Variants in FBXW11 observed in about 807,000 individuals in gnomAD.
FBXW11 encodes the protein F-box and WD repeat domain containing 11, also known as F-box/WD repeat-containing protein 11.
Under a neutral mutation model 77.6 loss-of-function variants are expected in FBXW11, and 19 were observed. The observed-to-expected ratio is 0.24, with a 90% CI of 0.17 to 0.36. The LOEUF is 0.36. FBXW11 is among the 10% of genes least tolerant of loss of function. FBXW11 has a pLI of 1.00. For synonymous variants in FBXW11, 235 were observed against 249.4 expected (o/e 0.94, Z 0.54); for missense variants, 334 against 704.2 (o/e 0.47, Z 5.95).
At chr5:171,957,953 T>C (rs980096358) in intron 1 of FBXW11, among the ~76,000 whole-genome samples, 9 of 152,170 alleles carry the variant, frequency 5.9e-5, no homozygotes, top group Non-Finnish European at 1.3e-4. Flanking sequence ...ACAGAGAGAA[T>C]GTTTAAACAA....
intron 9 of FBXW11, among the ~76,000 whole-genome samples, chr5:171,875,381 T>A (rs938980860): frequency 1.3e-5 from 2 of 152,126 alleles, no homozygotes; most frequent in Non-Finnish European, 2.9e-5. Context: ...ATTCTTCCAA[T>A]TATATGAAGT....
intron 2 of FBXW11, among the ~76,000 whole-genome samples, chr5:171,949,150 T>C (rs569886869): frequency 6.6e-6 from 1 of 152,262 alleles, no homozygotes; most frequent in South Asian, 2.1e-4. Flanking sequence ...TAGTACAACA[T>C]ATAAAAGACA....
Position 171,984,221 on chromosome 5 carries a change from T to C in FBXW11, c.45+22237A>G, listed in dbSNP as rs1002835095. On this transcript the variant is annotated intron_variant, in intron 1 of 13. Coordinates refer to ENST00000517395, the MANE Select transcript of FBXW11 (RefSeq NM_001378974.1). ...CTTGAAATGCTCTGGAAAAGGTCTA[T>C]AATTTGATCTAGGTAGTGGTTACAC... 2.4e-4 allele frequency among the ~76,000 whole-genome samples: 36 copies of C among 152,274 alleles called. 1 individual carries two copies. The highest frequency in any genetic ancestry group is 7.7e-4 in the African/African-American group (32 of 41,476).
At chr5:171,900,498 C>T (rs968279306) in intron 4 of FBXW11, among the ~76,000 whole-genome samples, 1 of 152,126 alleles carries the variant, frequency 6.6e-6, no homozygotes, top group Non-Finnish European at 1.5e-5. Context: ...GGCTTTACTA[C>T]TGGAACTCGG....
chr5:171,952,448 T>TATATATATATATATAA (rs1491271340), intron 2 of FBXW11, among the ~76,000 whole-genome samples: 1 of 10,890 alleles, frequency 9.2e-5, no homozygotes, highest in Non-Finnish European at 1.8e-4. Context: ...TATATATATA[T>TATATATATATATATAA]TTTTTTTTTT....
At chr5:171,982,192 AAC>A (rs1306077851) in intron 1 of FBXW11, among the ~76,000 whole-genome samples, 5 of 152,226 alleles carry the variant, frequency 3.3e-5, no homozygotes, top group African/African-American at 4.8e-5. Flanking sequence ...TTAAATAAAA[AAC>A]AGAAACCACA....
chr5:171,880,547 C>T (rs1433731892), intron 7 of FBXW11, among the ~76,000 whole-genome samples: 1 of 152,228 alleles, frequency 6.6e-6, no homozygotes, highest in Non-Finnish European at 1.5e-5. Context: ...TCACAATAGT[C>T]TTCCTACCCA....
rs929730725 is a variant in FBXW11, at chr5:171,948,018, G to A, written c.147+9579C>T. On this transcript the variant is annotated intron_variant, in intron 2 of 13. Coordinates refer to ENST00000517395, the MANE Select transcript of FBXW11 (RefSeq NM_001378974.1). ...TGGGAGGCCAAGGTGGGCGGATCAC[G>A]GGGTCAGGAGTTCAAGACCAGCCTG... is the stretch of plus-strand genomic sequence containing the variant. 5.9e-5 allele frequency among the ~76,000 whole-genome samples: 9 copies of A among 151,406 alleles called. No homozygotes were observed. In the East Asian group the frequency reaches 6.0e-4, roughly 10 times the overall value.
chr5:171,964,656 T>C (rs1395729915), intron 1 of FBXW11, among the ~76,000 whole-genome samples: 3 of 152,228 alleles, frequency 2.0e-5, no homozygotes, highest in Non-Finnish European at 2.9e-5. Flanking sequence ...GCTTCCACTA[T>C]TAATGTCTGA....
chr5:171,876,215 G>C lies in FBXW11; in HGVS notation c.1221+70C>G. On this transcript the variant is annotated intron_variant, in intron 9 of 13. Coordinates refer to ENST00000517395, the MANE Select transcript of FBXW11 (RefSeq NM_001378974.1). This position sits in a 1 kb window ranked among gnomAD's most constrained non-coding sequence, Gnocchi z 4.2. ...CTTGCCAGGTACCAGGTTGGTATAA[G>C]CCACCTCTGCTTTGTCTCTGTTCTA... 1.3e-6 allele frequency: 2 copies of C among 1,581,726 alleles called. No homozygotes were observed. Among genetic ancestry groups the C allele is most frequent in the Non-Finnish European group, 1.7e-6 (2 of 1,159,482 alleles).
chr5:171,878,884 A>G (rs1478705024), intron 7 of FBXW11, among the ~76,000 whole-genome samples: 1 of 152,152 alleles, frequency 6.6e-6, no homozygotes, highest in African/African-American at 2.4e-5. Flanking sequence ...GAGGTTTTAC[A>G]AATGCATACC....
At chr5:172,002,729 GCT>G (rs1051338045) in intron 1 of FBXW11, among the ~76,000 whole-genome samples, 4 of 83,828 alleles carry the variant, frequency 4.8e-5, no homozygotes, top group Non-Finnish European at 8.5e-5. Context: ...AGAGTGTCTT[GCT>G]CTGTTACCCA....
intron 1 of FBXW11, among the ~76,000 whole-genome samples, chr5:171,991,989 C>A (rs568858451): frequency 4.2e-4 from 64 of 152,104 alleles, no homozygotes; most frequent in South Asian, 1.9e-3. Flanking sequence ...GTGGTGCACG[C>A]CTGTAGTCCC....
intron 2 of FBXW11, among the ~76,000 whole-genome samples, chr5:171,915,394 T>C (rs941468844): frequency 5.9e-5 from 9 of 152,258 alleles, no homozygotes; most frequent in African/African-American, 1.9e-4. Flanking sequence ...TTTTCCTTTA[T>C]GTTCTACAAG....
At chr5:171,870,614 A>G in intron 11 of FBXW11, 134 bp downstream of exon 11, 3 of 622,728 alleles carry the variant, frequency 4.8e-6, no homozygotes, top group Non-Finnish European at 8.5e-6. Context: ...CAACAGGTAT[A>G]ATAATACCTG....
intron 1 of FBXW11, among the ~76,000 whole-genome samples, chr5:172,001,980 A>G (rs978487711): frequency 6.6e-6 from 1 of 152,238 alleles, no homozygotes; most frequent in Non-Finnish European, 1.5e-5. Context: ...GTAAGCAAGG[A>G]AAGTAGGCAG....
rs554727102 is a variant in FBXW11 at position 171,902,396 on chromosome 5, T to C, written c.437-2296A>G. ...TTCATTATAGAAAATTTATAAAGTG[T>C]AGATGAGCAAAAATTTTTAAATCCC... is the stretch of plus-strand genomic sequence containing the variant. On this transcript the variant is annotated intron_variant, in intron 4 of 13. Coordinates refer to ENST00000517395, the MANE Select transcript of FBXW11 (RefSeq NM_001378974.1). 1.6e-4 allele frequency among the ~76,000 whole-genome samples: 25 copies of C among 152,314 alleles called. No individual in the cohort carries two copies. In the Middle Eastern group the frequency reaches 0.014, roughly 83 times the overall value.
intron 6 of FBXW11, among the ~76,000 whole-genome samples, chr5:171,893,427 A>AAAAAAAAAAC (rs1252284610): frequency 2.2e-5 from 3 of 137,786 alleles, no homozygotes; most frequent in African/African-American, 8.5e-5. Context: ...AAACCAAAAA[A>AAAAAAAAAAC]AAAAAAAAAA....
At chr5:171,974,469 C>T (rs1764706115) in intron 1 of FBXW11, among the ~76,000 whole-genome samples, 1 of 151,438 alleles carries the variant, frequency 6.6e-6, no homozygotes, top group Non-Finnish European at 1.5e-5. Flanking sequence ...CACACACACA[C>T]ACATATATAC....
Sources: gnomAD v4.1 joint callset for allele counts (sites outside exome capture counted in the v4.1 genomes callset) on GRCh38, gnomAD v4.1.1 for gene constraint, Gnocchi (gnomAD v3.1) non-coding constraint, MANE v1.5 for transcripts, NCBI Gene and HGNC (gene_info 2026-07-23, HGNC 2026-07-21) for gene names.